Variants in GDF10 observed in about 807,000 individuals in gnomAD.
GDF10 encodes the protein growth/differentiation factor 10.
A neutral mutation model predicts 32.1 loss-of-function variants in GDF10; 23 were observed. The ratio of observed to expected loss-of-function variants is 0.72; its 90% CI spans 0.52 to 1.02. The LOEUF is 1.02. Among genes scored for constraint, GDF10 ranks in the 50% least tolerant of loss-of-function variants. The pLI is 0.00. For missense variants in GDF10, 764 were observed against 673.9 expected, an observed-to-expected ratio of 1.13 and a Z score of -1.48; for synonymous variants, 328 against 303.1, an observed-to-expected ratio of 1.08 and a Z score of -0.85.
chr10:47,300,377 A>G lies in GDF10; in HGVS notation c.-275A>G. On this transcript the variant is annotated 5_prime_UTR_variant, in exon 1 of 3. Transcript: ENST00000580279. ...AAACTTTCGCGGCGCGAGTCCGCCA[A>G]GGCAGCGCGCCGACTCGGGCTCGGC... The G allele has an allele frequency of 2.8e-6, 1 of 358,822 alleles. No individual in the cohort carries two copies. The highest frequency in any genetic ancestry group is 5.0e-6 in the Non-Finnish European group (1 of 201,586). 22.2% of individuals were successfully genotyped at this position (358,822 alleles called of 1,614,324 possible).
At chr10:47,305,130 G>A (rs1555207109) in intron 1 of GDF10, among the ~76,000 whole-genome samples, 1 of 152,158 alleles carries the variant, frequency 6.6e-6, no homozygotes, top group East Asian at 1.9e-4. Flanking sequence ...AGGCAAAAGA[G>A]TTCTCAGGCT....
intron 2 of GDF10, among the ~76,000 whole-genome samples, chr10:47,311,085 C>T (rs1381334226): frequency 1.3e-5 from 2 of 152,204 alleles, no homozygotes; most frequent in African/African-American, 2.4e-5. Flanking sequence ...CGGCAGGTCC[C>T]AGAAGCTCCC....
In GDF10 at chr10:47,309,800, G is replaced by A; in HGVS notation, c.324G>A (p.Val108=). 6.2e-7 allele frequency: 1 copy of A among 1,603,384 alleles called. No homozygotes were observed. The highest frequency in any genetic ancestry group is 8.5e-7 in the Non-Finnish European group (1 of 1,172,322). The change falls in exon 2 of 3, where the codon GTG becomes GTA. Residue 108 remains valine, a synonymous_variant. Coordinates refer to ENST00000580279, the MANE Select transcript of GDF10 (RefSeq NM_004962.5). Reference sequence around the variant, plus strand: ...TGGTCTCTCCTTCCCTCACAGAAGTGGTCGACCAGAAGGCCGTGTATTTCT... The same window carrying A: ...TGGTCTCTCCTTCCCTCACAGAAGTAGTCGACCAGAAGGCCGTGTATTTCT... ...TVRSFRARLE[V]VDQKAVYFFN...
At position 47,312,688 on chromosome 10, in the gene GDF10, C is replaced by A. The variant is rs781894189; in HGVS notation, c.1333C>A (p.Pro445Thr). The change falls in exon 3 of 3, where the codon CCC (proline) becomes ACC (threonine). Residue 445 changes from proline to threonine, a missense_variant. Coordinates refer to ENST00000580279, the MANE Select transcript of GDF10 (RefSeq NM_004962.5). Reference protein sequence around the residue: ...IPGIPEPCCVPDKMNSLGVLF... With the variant: ...IPGIPEPCCVTDKMNSLGVLF... ...TGGCATCCCAGAGCCCTGCTGTGTTCCCGATAAGATGAACTCCCTTGGGGT... is the reference window on the plus strand; with the variant it reads ...TGGCATCCCAGAGCCCTGCTGTGTTACCGATAAGATGAACTCCCTTGGGGT... 10 of 1,610,510 alleles carry A rather than the reference C, an allele frequency of 6.2e-6. No homozygotes were observed. The highest frequency in any genetic ancestry group is 1.7e-4 in the Middle Eastern group (1 of 6,056).
chr10:47,307,279 G>C (rs1555207239), intron 1 of GDF10, among the ~76,000 whole-genome samples: 1 of 152,162 alleles, frequency 6.6e-6, no homozygotes, highest in Admixed American at 6.5e-5. Context: ...AAAGAGGGTG[G>C]ATAGAAAAGG....
rs2061040879 is a variant in GDF10 at position 47,310,398 on chromosome 10, G to C, written c.922G>C (p.Glu308Gln). Residue 308 changes from glutamate to glutamine, a missense_variant, in exon 2 of 3, where the codon GAG (glutamate) becomes CAG (glutamine). Glu to Gln is a conservative substitution (Grantham distance 29). Coordinates refer to ENST00000580279, the MANE Select transcript of GDF10 (RefSeq NM_004962.5). ...GGACAACGAGCTGCCGGGGCTGGATGAGAGGCCGCCGCGCGCCCACGCACA... is the reference window on the plus strand; with the variant it reads ...GGACAACGAGCTGCCGGGGCTGGATCAGAGGCCGCCGCGCGCCCACGCACA... Reference protein sequence around the residue: ...LQDNELPGLDERPPRAHAQHF... With the variant: ...LQDNELPGLDQRPPRAHAQHF... 6.2e-7 allele frequency: 1 copy of C among 1,609,780 alleles called. No homozygotes were observed. Among genetic ancestry groups the C allele is most frequent in the Non-Finnish European group, 8.5e-7 (1 of 1,178,924 alleles).
intron 1 of GDF10, among the ~76,000 whole-genome samples, chr10:47,308,281 G>T (rs2061030364): frequency 6.6e-6 from 1 of 152,200 alleles, no homozygotes; most frequent in Non-Finnish European, 1.5e-5. Context: ...GGGAAGCCAG[G>T]TTCAAGTGTG....
At chr10:47,307,070 C>T (rs550033861) in intron 1 of GDF10, among the ~76,000 whole-genome samples, 55 of 152,228 alleles carry the variant, frequency 3.6e-4, no homozygotes, top group East Asian at 1.7e-3. Flanking sequence ...ACACTGAAGA[C>T]GGGTGTCATT....
At position 47,310,565 on chromosome 10, in the gene GDF10, G is replaced by C. The variant is rs782581660; in HGVS notation, c.1089G>C (p.Gln363His). 3.1e-6 allele frequency: 5 copies of C among 1,614,122 alleles called. No individual in the cohort carries two copies. In the East Asian group the frequency reaches 1.1e-4, roughly 36 times the overall value. Residue 363 changes from glutamine (Q) to histidine (H), a missense_variant, in exon 2 of 3, where the codon CAG (glutamine) becomes CAC (histidine). Gln to His is a conservative substitution (Grantham distance 24). Coordinates refer to ENST00000580279, the MANE Select transcript of GDF10 (RefSeq NM_004962.5). ...QVLDFDEKTM[Q>H]KARRKQWDEP... is the part of the protein sequence containing the mutation. ...TGGACTTTGACGAGAAGACGATGCA[G>C]AAAGCCCGGAGGAAGCAGTGGGATG...
At chr10:47,310,747 A>G (rs782739970) in intron 2 of GDF10, 26 bp downstream of exon 2, 43 of 1,517,580 alleles carry the variant, frequency 2.8e-5, no homozygotes, top group Non-Finnish European at 3.8e-5. Flanking sequence ...CCTTTTGCCA[A>G]ATTCTAAGGC....
chr10:47,310,327 C>G lies in GDF10; in HGVS notation c.851C>G (p.Ala284Gly), dbSNP rs553093337. The change falls in exon 2 of 3, where the codon GCG becomes GGG. Residue 284 changes from alanine (A) to glycine (G), a missense_variant. Ala to Gly is a moderately conservative substitution (Grantham distance 60, BLOSUM62 0). Coordinates refer to ENST00000580279, the MANE Select transcript of GDF10 (RefSeq NM_004962.5). ...PEPRAAPNNSADPRVRRAAQA... is the reference protein window; with the variant it reads ...PEPRAAPNNSGDPRVRRAAQA... ...CCCCGCGCAGCCCCCAACAACTCAG[C>G]GGACCCCCGCGTGCGCCGAGCCGCG... 1.9e-6 allele frequency: 3 copies of G among 1,605,324 alleles called. No homozygotes were observed. Among genetic ancestry groups the G allele is most frequent in the Non-Finnish European group, 2.5e-6 (3 of 1,176,606 alleles).
In GDF10 at chr10:47,310,057, C is replaced by A. The variant is rs370459077; in HGVS notation, c.581C>A (p.Ala194Glu). 1.4e-5 allele frequency: 23 copies of A among 1,604,238 alleles called. No homozygotes were observed. Among genetic ancestry groups the A allele is most frequent in the South Asian group, 2.2e-5 (2 of 90,720 alleles). ...QGLLRGAMAL[A>E]PPPRGLWQAK... ...CTACTCCGCGGGGCCATGGCCCTGG[C>A]GCCCCCACCGCGCGGCCTGTGGCAG... is the stretch of plus-strand genomic sequence containing the variant. The change falls in exon 2 of 3, where the codon GCG (alanine) becomes GAG (glutamate). Residue 194 changes from alanine to glutamate, a missense_variant. Transcript: ENST00000580279.
chr10:47,312,124 C>G (rs1485559235), intron 2 of GDF10, among the ~76,000 whole-genome samples: 4 of 152,220 alleles, frequency 2.6e-5, no homozygotes, highest in African/African-American at 9.6e-5. Context: ...CAATGTCCAG[C>G]CTGTCACACT....
rs1555206768 is a variant in GDF10 at position 47,300,792 on chromosome 10, C to T, written c.141C>T (p.Ala47=). ...APAWSALPAA[A]DGLQGDRDLQ... ...CCTGGTCCGCACTGCCCGCGGCCGCCGACGGCCTGCAGGGGGACAGGGATC... is the reference window on the plus strand; with the variant it reads ...CCTGGTCCGCACTGCCCGCGGCCGCTGACGGCCTGCAGGGGGACAGGGATC... Residue 47 remains alanine, a synonymous_variant, in exon 1 of 3, where the codon GCC becomes GCT. Coordinates refer to ENST00000580279, the MANE Select transcript of GDF10 (RefSeq NM_004962.5). 2 of 1,566,472 alleles carry T rather than the reference C, an allele frequency of 1.3e-6. No individual in the cohort carries two copies. Among genetic ancestry groups the T allele is most frequent in the East Asian group, 4.7e-5 (2 of 42,694 alleles).
Position 47,300,924 on chromosome 10 carries a change from G to A in GDF10, c.273G>A (p.Ala91=). ...ATGAGAAGTACAGCCGGCAGGGCGC[G>A]CGGCCGGGAGGGGGCAACACGGTCC... The part of the protein sequence containing the change: ...RLYEKYSRQG[A]RPGGGNTVRS... Residue 91 remains alanine (A), a synonymous_variant, in exon 1 of 3, where the codon GCG becomes GCA. Transcript: ENST00000580279. The A allele has an allele frequency of 6.5e-7, 1 of 1,548,168 alleles. No homozygotes were observed. The highest frequency in any genetic ancestry group is 8.7e-7 in the Non-Finnish European group (1 of 1,154,240).
chr10:47,302,391 C>G (rs1331814776), intron 1 of GDF10, among the ~76,000 whole-genome samples: 2 of 152,180 alleles, frequency 1.3e-5, no homozygotes, highest in African/African-American at 2.4e-5. Context: ...ATTGTGTATT[C>G]CTGTGGGTTT....
At chr10:47,304,372 G>A (rs972870278) in intron 1 of GDF10, among the ~76,000 whole-genome samples, 1 of 151,916 alleles carries the variant, frequency 6.6e-6, no homozygotes, top group Non-Finnish European at 1.5e-5. Context: ...AAGAATAGAG[G>A]GGAGAGAGAG....
rs1555207636 is a variant in GDF10, at chr10:47,310,501, A to G, written c.1025A>G (p.Lys342Arg). 1 of 1,613,848 alleles carries G rather than the reference A, an allele frequency of 6.2e-7. No homozygotes were observed. Among genetic ancestry groups the G allele is most frequent in the South Asian group, 1.1e-5 (1 of 91,080 alleles). ...KPRPGRKDRR[K>R]KGQEVFMAAS... is the part of the protein sequence containing the mutation. ...CGGCCAGGGCGCAAAGACCGCAGGA[A>G]GAAGGGCCAGGAGGTGTTCATGGCC... The change falls in exon 2 of 3, where the codon AAG (lysine) becomes AGG (arginine). Residue 342 changes from lysine (K) to arginine (R), a missense_variant. Transcript: ENST00000580279.
chr10:47,301,352 C>A (rs1383510153), intron 1 of GDF10, among the ~76,000 whole-genome samples: 4 of 152,224 alleles, frequency 2.6e-5, no homozygotes, highest in African/African-American at 9.6e-5. Flanking sequence ...ATAGGCAGCC[C>A]TGCAGAAGCT....
Sources: gnomAD v4.1 joint callset for allele counts (sites outside exome capture counted in the v4.1 genomes callset) on GRCh38, gnomAD v4.1.1 for gene constraint, MANE v1.5 for transcripts, NCBI Gene and HGNC (gene_info 2026-07-23, HGNC 2026-07-21) for gene names.